The following STIM1 variants were observed in gnomAD, a reference collection of about 807,000 sequenced individuals.
STIM1 encodes stromal interaction molecule 1.
A neutral mutation model predicts 74.7 loss-of-function variants in STIM1; 25 were observed. The ratio of observed to expected loss-of-function variants is 0.33; its 90% CI spans 0.24 to 0.47. STIM1 has a LOEUF of 0.47. Among genes scored for constraint, STIM1 ranks in the 20% least tolerant of loss-of-function variants. STIM1 has a pLI of 1.00. For synonymous variants in STIM1, 328 were observed against 348.8 expected, an observed-to-expected ratio of 0.94 and a Z score of 0.66; for missense variants, 728 against 920.8, an observed-to-expected ratio of 0.79 and a Z score of 2.71.
chr11:3,929,975 G>A (rs1012539088), intron 1 of STIM1, among the ~76,000 whole-genome samples: 2 of 152,030 alleles, frequency 1.3e-5, no homozygotes, highest in African/African-American at 4.8e-5. Flanking sequence ...TTCAGTGCCC[G>A]GACAACTGGA....
intron 1 of STIM1, among the ~76,000 whole-genome samples, chr11:3,962,212 G>C (rs1279961168): frequency 1.3e-5 from 2 of 152,092 alleles, no homozygotes; most frequent in African/African-American, 2.4e-5. Context: ...CCAAAAGGTA[G>C]TTTCTTGTCC....
intron 2 of STIM1, among the ~76,000 whole-genome samples, chr11:4,019,675 T>C (rs1189969215): frequency 6.6e-6 from 1 of 152,110 alleles, no homozygotes; most frequent in African/African-American, 2.4e-5. Context: ...TCCAAAAAAA[T>C]TGTACATATT....
intron 1 of STIM1, among the ~76,000 whole-genome samples, chr11:3,941,718 A>G (rs953855862): frequency 6.5e-5 from 9 of 137,510 alleles, no homozygotes; most frequent in African/African-American, 2.1e-4. Flanking sequence ...TCTCAGTGTC[A>G]CTGTGTTGCC....
At position 4,055,674 on chromosome 11, in the gene STIM1, C is replaced by T. The variant is rs115634266; in HGVS notation, c.497+37C>T. ...ACTGGGTTTTTCTCTGTTGAGGGTA[C>T]GGGGAATGGGCTGGAGTGGGCCTGC... On this transcript the variant is annotated intron_variant, in intron 4 of 12. Transcript: ENST00000526596. 452 of 1,504,200 alleles carry T rather than the reference C, an allele frequency of 3.0e-4. 1 individual carries two copies. In the African/African-American group the frequency reaches 5.2e-3, roughly 17 times the overall value. 93.2% of individuals were successfully genotyped at this position (1,504,200 alleles called of 1,614,324 possible). A position where few individuals can be genotyped will look rare whatever the true frequency, so the allele number is the denominator to read the frequency against.
intron 1 of STIM1, among the ~76,000 whole-genome samples, chr11:3,906,562 A>G (rs551715072): frequency 7.2e-4 from 109 of 152,316 alleles, no homozygotes; most frequent in African/African-American, 2.5e-3. Flanking sequence ...TTTTAATTAT[A>G]AAATAATATA....
In STIM1 at chr11:4,083,346, T is replaced by C. The variant is rs1472831509; in HGVS notation, c.1322T>C (p.Ile441Thr). Residue 441 changes from isoleucine (I) to threonine (T), a missense_variant, in exon 10 of 13, where the codon ATT becomes ACT. Transcript: ENST00000526596. ...ATCGAGATCCTCTGTGGCTTCCAGATTGTCAACAACCCTGGCATCCACTCA... is the reference window on the plus strand; with the variant it reads ...ATCGAGATCCTCTGTGGCTTCCAGACTGTCAACAACCCTGGCATCCACTCA... ...QQIEILCGFQ[I>T]VNNPGIHSLV... is the part of the protein sequence containing the mutation. 6.2e-7 allele frequency: 1 copy of C among 1,614,220 alleles called. No individual in the cohort carries two copies.
intron 1 of STIM1, among the ~76,000 whole-genome samples, chr11:3,862,970 G>A (rs1373726987): frequency 1.3e-5 from 2 of 151,964 alleles, no homozygotes; most frequent in African/African-American, 4.8e-5. Context: ...TCGGCTCACT[G>A]CAAACTCCAC....
chr11:3,895,622 CTT>C (rs1320723043), intron 1 of STIM1, among the ~76,000 whole-genome samples: 6 of 3,630 alleles, frequency 1.7e-3, no homozygotes, highest in South Asian at 0.014. Context: ...TTCTTTCTTT[CTT>C]TCTTTCTTTC....
intron 1 of STIM1, chr11:3,892,571 T>C: frequency 6.2e-7 from 1 of 1,601,898 alleles, no homozygotes; most frequent in South Asian, 1.1e-5. Context: ...ACTGTTTGTG[T>C]TGGGTCCAGC....
chr11:3,957,992 A>G (rs1290392328), intron 1 of STIM1, among the ~76,000 whole-genome samples: 3 of 152,062 alleles, frequency 2.0e-5, no homozygotes, highest in Non-Finnish European at 2.9e-5. Context: ...CAGCCTTCCA[A>G]GTAGCTGGGA....
chr11:3,912,902 T>C (rs10767702), intron 1 of STIM1, among the ~76,000 whole-genome samples: 37,262 of 152,176 alleles, frequency 0.24, 5,735 homozygotes, highest in South Asian at 0.46. Flanking sequence ...TTCTATATCA[T>C]GTACTTAAAA....
At chr11:3,877,461 G>A (rs1261999879) in intron 1 of STIM1, among the ~76,000 whole-genome samples, 1 of 152,112 alleles carries the variant, frequency 6.6e-6, no homozygotes, top group Non-Finnish European at 1.5e-5. Context: ...GGACTTAGCT[G>A]ATTTGCATGG....
At chr11:3,989,118 A>AGG (rs1304053885) in intron 2 of STIM1, 1 of 1,424,852 alleles carries the variant, frequency 7.0e-7, no homozygotes, top group African/African-American at 1.4e-5. Flanking sequence ...TTGTACAAGA[A>AGG]GGGAGACAGG....
chr11:4,028,104 A>T (rs1480113923), intron 3 of STIM1, among the ~76,000 whole-genome samples: 1 of 152,122 alleles, frequency 6.6e-6, no homozygotes, highest in Non-Finnish European at 1.5e-5. Context: ...TTCTTTTGAG[A>T]CAGAGTCTCA....
At chr11:3,900,735 A>G (rs916787270) in intron 1 of STIM1, among the ~76,000 whole-genome samples, 1 of 152,134 alleles carries the variant, frequency 6.6e-6, no homozygotes, top group African/African-American at 2.4e-5. Flanking sequence ...ACACCCCGCC[A>G]TGCCTGGCTA....
At chr11:3,971,813 C>A (rs1295779573) in intron 2 of STIM1, among the ~76,000 whole-genome samples, 1 of 152,184 alleles carries the variant, frequency 6.6e-6, no homozygotes, top group African/African-American at 2.4e-5. Flanking sequence ...TAGAAAAATT[C>A]CACATTTCCA....
intron 2 of STIM1, among the ~76,000 whole-genome samples, chr11:3,977,135 G>C (rs551988408): frequency 1.7e-4 from 26 of 152,238 alleles, no homozygotes; most frequent in African/African-American, 6.0e-4. Context: ...TGTATTTTGA[G>C]CCCCTTTAGG....
At chr11:4,047,685 T>G (rs2094204476) in intron 3 of STIM1, among the ~76,000 whole-genome samples, 1 of 151,906 alleles carries the variant, frequency 6.6e-6, no homozygotes, top group Non-Finnish European at 1.5e-5. Context: ...AGCATGGTAG[T>G]AGTACATGCC....
At chr11:3,927,199 T>G (rs2092799759) in intron 1 of STIM1, among the ~76,000 whole-genome samples, 1 of 152,218 alleles carries the variant, frequency 6.6e-6, no homozygotes, top group South Asian at 2.1e-4. Context: ...ATATTAACCT[T>G]TATTTATCTT....
Sources: gnomAD v4.1 joint callset for allele counts (sites outside exome capture counted in the v4.1 genomes callset) on GRCh38, gnomAD v4.1.1 for gene constraint, MANE v1.5 for transcripts, NCBI Gene and HGNC (gene_info 2026-07-23, HGNC 2026-07-21) for gene names.